Variants in PLCL1 observed in about 807,000 individuals in gnomAD.
PLCL1 encodes the protein inactive phospholipase C-like protein 1.
A neutral mutation model predicts 84.4 loss-of-function variants in PLCL1; 41 were observed. The ratio of observed to expected loss-of-function variants is 0.49; its 90% CI spans 0.38 to 0.63. The LOEUF is 0.63. PLCL1 is among the 30% of genes least tolerant of loss of function. The probability of loss-of-function intolerance (pLI) is 0.00; values close to 1 mark genes in which losing one functional copy is unlikely to be tolerated. For missense variants in PLCL1, 1,206 were observed against 1,367.8 expected (o/e 0.88, Z 1.87); for synonymous variants, 490 against 488.3 (o/e 1.00, Z -0.05).
chr2:198,012,267 C>T (rs771533359), intron 1 of PLCL1, among the ~76,000 whole-genome samples: 7 of 152,126 alleles, frequency 4.6e-5, no homozygotes, highest in Non-Finnish European at 1.0e-4. Context: ...GGCTAAAGTG[C>T]TGCAGGGCAT....
chr2:197,843,314 T>A (rs1002066373), intron 1 of PLCL1, among the ~76,000 whole-genome samples: 1 of 152,214 alleles, frequency 6.6e-6, no homozygotes, highest in Non-Finnish European at 1.5e-5. Context: ...TGCTTTACAT[T>A]CTTCATGTGT....
intron 1 of PLCL1, among the ~76,000 whole-genome samples, chr2:197,873,012 A>G (rs999747048): frequency 2.6e-5 from 4 of 152,174 alleles, no homozygotes; most frequent in Non-Finnish European, 4.4e-5. Flanking sequence ...GAGATTAAGT[A>G]TCTTGTTCAA....
chr2:197,933,363 A>C (rs919577080), intron 1 of PLCL1, among the ~76,000 whole-genome samples: 5 of 147,928 alleles, frequency 3.4e-5, no homozygotes. Context: ...TCCCGGGTTC[A>C]CGCCATTTTC....
intron 1 of PLCL1, among the ~76,000 whole-genome samples, chr2:198,042,502 G>A (rs1392386317): frequency 6.6e-6 from 1 of 152,192 alleles, no homozygotes; most frequent in Non-Finnish European, 1.5e-5. Flanking sequence ...GTGGCCAGGG[G>A]AATAGGAAGG....
intron 1 of PLCL1, among the ~76,000 whole-genome samples, chr2:198,009,054 G>T (rs527291115): frequency 1.5e-4 from 23 of 151,458 alleles, no homozygotes; most frequent in South Asian, 6.2e-4. Context: ...CAATTTTTTT[G>T]TTGTTGTTAA....
chr2:197,973,960 A>T (rs1377275677), intron 1 of PLCL1, among the ~76,000 whole-genome samples: 1 of 152,196 alleles, frequency 6.6e-6, no homozygotes, highest in Non-Finnish European at 1.5e-5. Context: ...TCCAACTGAG[A>T]TGTGATGGTG....
intron 1 of PLCL1, among the ~76,000 whole-genome samples, chr2:197,899,881 C>T (rs1213639333): frequency 7.2e-5 from 11 of 151,888 alleles, no homozygotes; most frequent in Admixed American, 7.2e-4. Context: ...GTGATCCGCC[C>T]GCCTCGGCCT....
chr2:198,149,834 CTG>C lies in PLCL1; in HGVS notation c.*2876_*2877del, dbSNP rs770953046. 6 of 152,224 alleles carry C rather than the reference CTG, an allele frequency of 3.9e-5. No individual in the cohort carries two copies. The East Asian group carries it at 7.7e-4, about 20-fold the overall frequency. 9.4% of individuals were successfully genotyped at this position (152,224 alleles called of 1,614,324 possible). ...TTAACAATATGTTATGGATATCTTT[CTG>C]TGTCAATAAATGTGTATTTACATTA... On this transcript the variant is annotated 3_prime_UTR_variant, in exon 6 of 6. Transcript: ENST00000428675.
intron 1 of PLCL1, among the ~76,000 whole-genome samples, chr2:197,864,335 C>G (rs1687487610): frequency 6.6e-6 from 1 of 150,906 alleles, no homozygotes; most frequent in Admixed American, 6.6e-5. Context: ...AAACAAATCT[C>G]ATGTCAACTC....
At chr2:197,844,865 G>A (rs923602648) in intron 1 of PLCL1, among the ~76,000 whole-genome samples, 12 of 152,012 alleles carry the variant, frequency 7.9e-5, no homozygotes, top group African/African-American at 1.9e-4. Flanking sequence ...AGGTCATCTC[G>A]ATTTCCCTAG....
chr2:197,923,450 C>T (rs1307557216), intron 1 of PLCL1, among the ~76,000 whole-genome samples: 11 of 143,780 alleles, frequency 7.7e-5, no homozygotes, highest in East Asian at 2.2e-4. Flanking sequence ...ACGGGGCGGC[C>T]GGGCAGAGAC....
chr2:198,013,177 A>G (rs1690911687), intron 1 of PLCL1, among the ~76,000 whole-genome samples: 1 of 151,996 alleles, frequency 6.6e-6, no homozygotes, highest in Non-Finnish European at 1.5e-5. Context: ...GATCCTTTTA[A>G]CTGGTTTCTA....
chr2:197,907,228 G>A (rs567730809), intron 1 of PLCL1, among the ~76,000 whole-genome samples: 3 of 151,952 alleles, frequency 2.0e-5, no homozygotes, highest in Non-Finnish European at 4.4e-5. Context: ...TATTCAAATA[G>A]TCTTTTTTCT....
chr2:198,087,271 G>A (rs1182190006), intron 2 of PLCL1, among the ~76,000 whole-genome samples: 1 of 152,042 alleles, frequency 6.6e-6, no homozygotes, highest in Admixed American at 6.6e-5. Flanking sequence ...AGGGTATATG[G>A]AAATTGACTA....
At chr2:198,109,957 A>G (rs542310285) in intron 5 of PLCL1, among the ~76,000 whole-genome samples, 1 of 151,634 alleles carries the variant, frequency 6.6e-6, no homozygotes, top group East Asian at 1.9e-4. Flanking sequence ...TAATTAATAA[A>G]TATTTTATTA....
rs539009495 is a variant in PLCL1, at chr2:198,003,536, TGCTTCTA to T, written c.241-80217_241-80211del. On this transcript the variant is annotated intron_variant, in intron 1 of 5. Transcript: ENST00000428675. ...AGTGATAGCCAGAAACTTGAACTCT[TGCTTCTA>T]GCTTTTAGACCTTCTACTTAAGACA... is the stretch of plus-strand genomic sequence containing the variant. Among the ~76,000 whole-genome samples the T allele has an allele frequency of 3.3e-5, 5 of 152,364 alleles. No homozygotes were observed. The East Asian group carries it at 9.6e-4, about 29-fold the overall frequency.
chr2:197,978,983 C>G lies in PLCL1; in HGVS notation c.241-104775C>G, dbSNP rs1031564907. Among the ~76,000 whole-genome samples, 5 of 152,340 alleles carry G rather than the reference C, an allele frequency of 3.3e-5. No individual in the cohort carries two copies. The East Asian group carries it at 9.6e-4, about 29-fold the overall frequency. On this transcript the variant is annotated intron_variant, in intron 1 of 5. Transcript: ENST00000428675. ...TCATCAACATAATAACAGAGTGACG[C>G]TATTCAAGGACCTGCTGTACATCCA... is the stretch of plus-strand genomic sequence containing the variant.
chr2:198,084,103 GA>G lies in PLCL1; in HGVS notation c.590del (p.Asn197ThrfsTer7), dbSNP rs1469498255. ...CTGTGCCTTTTCCATACTCCACGGG[GA>G]AAACTATGAGTCTCTGGACCTAGTT... ...EDCAFSILHG[E>X]NYESLDLVAN... is the part of the protein sequence containing the mutation. On this transcript the variant is annotated frameshift_variant, in exon 2 of 6. Coordinates refer to ENST00000428675, the MANE Select transcript of PLCL1 (RefSeq NM_006226.4). LOFTEE classifies it high-confidence loss of function. 1 of 1,614,032 alleles carries G rather than the reference GA, an allele frequency of 6.2e-7. No homozygotes were observed. The highest frequency in any genetic ancestry group is 2.2e-5 in the East Asian group (1 of 44,886).
chr2:198,140,728 T>A (rs1041451431), intron 5 of PLCL1, among the ~76,000 whole-genome samples: 1 of 152,194 alleles, frequency 6.6e-6, no homozygotes, highest in Non-Finnish European at 1.5e-5. Context: ...CAATTTTCTG[T>A]GGACCCTTTG....
Sources: gnomAD v4.1 joint callset for allele counts (sites outside exome capture counted in the v4.1 genomes callset) on GRCh38, gnomAD v4.1.1 for gene constraint, MANE v1.5 for transcripts, NCBI Gene and HGNC (gene_info 2026-07-23, HGNC 2026-07-21) for gene names.